The following MECOM variants were observed in gnomAD, a reference collection of about 807,000 sequenced individuals.
The protein encoded by MECOM is MDS1 and EVI1 complex locus, also known as histone-lysine N-methyltransferase MECOM.
In MECOM, 13 loss-of-function variants were observed where a neutral mutation model predicts 116.3. The observed-to-expected ratio is 0.11, with a 90% CI of 0.07 to 0.18. MECOM has a LOEUF of 0.18. Among genes scored for constraint, MECOM ranks in the 10% least tolerant of loss-of-function variants. MECOM has a pLI of 1.00. For synonymous variants in MECOM, 528 were observed against 535.2 expected, an observed-to-expected ratio of 0.99 and a Z score of 0.19; for missense variants, 1,299 against 1,509.0, an observed-to-expected ratio of 0.86 and a Z score of 2.31.
intron 2 of MECOM, among the ~76,000 whole-genome samples, chr3:169,150,128 T>C (rs1056453032): frequency 4.6e-5 from 7 of 152,156 alleles, no homozygotes; most frequent in African/African-American, 1.4e-4. Context: ...AAGATAGGGT[T>C]CTGAAATCCC....
chr3:169,140,522 G>A (rs1235757618), intron 3 of MECOM, among the ~76,000 whole-genome samples: 4 of 151,954 alleles, frequency 2.6e-5, no homozygotes, highest in Non-Finnish European at 5.9e-5. Context: ...AGAAATTATG[G>A]TTTAGCAGTG....
At chr3:169,436,714 A>T (rs12696298) in intron 1 of MECOM, among the ~76,000 whole-genome samples, 2,611 of 152,292 alleles carry the variant, frequency 0.017, 86 homozygotes, top group African/African-American at 0.06. Context: ...ACACATAATT[A>T]GGGCTCAAAA....
intron 2 of MECOM, among the ~76,000 whole-genome samples, chr3:169,325,408 C>T (rs1304305668): frequency 6.6e-6 from 1 of 152,172 alleles, no homozygotes; most frequent in African/African-American, 2.4e-5. Context: ...CCTCTCACCA[C>T]CACTTTTTAA....
At chr3:169,565,175 A>G (rs1277258806) in intron 1 of MECOM, among the ~76,000 whole-genome samples, 1 of 152,120 alleles carries the variant, frequency 6.6e-6, no homozygotes, top group African/African-American at 2.4e-5. Context: ...GAACTCCACG[A>G]GGGGAGAACT....
intron 2 of MECOM, among the ~76,000 whole-genome samples, chr3:169,349,974 T>C (rs1376845173): frequency 1.3e-5 from 2 of 152,132 alleles, no homozygotes; most frequent in African/African-American, 2.4e-5. Context: ...ATTCAATTAA[T>C]ATATCTACTT....
At chr3:169,454,203 G>A (rs1213458341) in intron 1 of MECOM, among the ~76,000 whole-genome samples, 1 of 152,150 alleles carries the variant, frequency 6.6e-6, no homozygotes, top group African/African-American at 2.4e-5. Context: ...CGAGTAATTT[G>A]TCATACACTG....
At chr3:169,516,238 T>G (rs1756604350) in intron 1 of MECOM, among the ~76,000 whole-genome samples, 2 of 152,196 alleles carry the variant, frequency 1.3e-5, no homozygotes, top group South Asian at 4.1e-4. Flanking sequence ...TTTAGGAGAC[T>G]CTGAGTAAGA....
chr3:169,594,975 T>A (rs11717416), intron 1 of MECOM, among the ~76,000 whole-genome samples: 16,949 of 151,936 alleles, frequency 0.11, 1,276 homozygotes, highest in East Asian at 0.22. Flanking sequence ...CTGTTTCTTT[T>A]AAGTGAATTG....
intron 1 of MECOM, among the ~76,000 whole-genome samples, chr3:169,633,902 C>CAA: frequency 7.3e-6 from 1 of 137,140 alleles, no homozygotes; most frequent in Non-Finnish European, 1.6e-5. Flanking sequence ...GTGACCCTGG[C>CAA]AAAAAAAAAA....
intron 1 of MECOM, among the ~76,000 whole-genome samples, chr3:169,592,318 A>C: frequency 6.6e-6 from 1 of 152,234 alleles, no homozygotes; most frequent in Admixed American, 6.5e-5. Context: ...GGCTGCCTCC[A>C]GTCCAGAAGG....
intron 2 of MECOM, among the ~76,000 whole-genome samples, chr3:169,235,926 T>A (rs78856001): frequency 0.042 from 6,302 of 150,700 alleles, 167 homozygotes; most frequent in African/African-American, 0.067. Context: ...ACTTACAACC[T>A]TTTTTTTTAC....
At chr3:169,630,773 C>G (rs190781376) in intron 1 of MECOM, among the ~76,000 whole-genome samples, 208 of 152,286 alleles carry the variant, frequency 1.4e-3, no homozygotes, top group African/African-American at 4.8e-3. Flanking sequence ...TCAGGTAGAA[C>G]AGCAGCATTT....
intron 1 of MECOM, among the ~76,000 whole-genome samples, chr3:169,580,690 A>T (rs1765027094): frequency 6.6e-6 from 1 of 152,218 alleles, no homozygotes; most frequent in Non-Finnish European, 1.5e-5. Flanking sequence ...TTAGTAAGTA[A>T]GCAGAGAGAA....
At chr3:169,433,691 G>GAAAGAAAGAAAGAAAGAA (rs1560269020) in intron 1 of MECOM, among the ~76,000 whole-genome samples, 16 of 122,018 alleles carry the variant, frequency 1.3e-4, no homozygotes, top group African/African-American at 3.3e-4. Context: ...GAAAGAAAGA[G>GAAAGAAAGAAAGAAAGAA]AAAGAAAGAA....
intron 2 of MECOM, among the ~76,000 whole-genome samples, chr3:169,355,046 G>A (rs1727024408): frequency 1.3e-5 from 2 of 151,918 alleles, no homozygotes; most frequent in South Asian, 4.1e-4. Context: ...TGAATTAAAA[G>A]AACAAAAGAG....
chr3:169,653,359 C>A (rs1218020706), intron 1 of MECOM, among the ~76,000 whole-genome samples: 1 of 151,910 alleles, frequency 6.6e-6, no homozygotes, highest in Non-Finnish European at 1.5e-5. Flanking sequence ...TTACAGTTTA[C>A]CTAGAAAAAT....
At chr3:169,180,005 T>C (rs1745738123) in intron 2 of MECOM, among the ~76,000 whole-genome samples, 3 of 152,242 alleles carry the variant, frequency 2.0e-5, no homozygotes, top group Admixed American at 2.0e-4. Flanking sequence ...AACCTTAATC[T>C]ACAATGCAGA....
At chr3:169,208,108 G>T (rs1200763112) in intron 2 of MECOM, among the ~76,000 whole-genome samples, 1 of 151,820 alleles carries the variant, frequency 6.6e-6, no homozygotes, top group Non-Finnish European at 1.5e-5. Context: ...CTCTCACACA[G>T]CTGGCAACGA....
intron 2 of MECOM, among the ~76,000 whole-genome samples, chr3:169,144,729 A>G (rs1041792930): frequency 2.0e-5 from 3 of 152,174 alleles, no homozygotes; most frequent in African/African-American, 7.2e-5. Context: ...ATCAATATTA[A>G]AAGCTGTAGA....
Sources: allele counts gnomAD v4.1 joint callset (sites outside exome capture counted in the v4.1 genomes callset), GRCh38; gene constraint gnomAD v4.1.1; transcripts MANE v1.5; gene names NCBI Gene and HGNC (gene_info 2026-07-23, HGNC 2026-07-21).